Variants in BIRC6 observed in about 807,000 individuals in gnomAD.
BIRC6 encodes baculoviral IAP repeat containing 6.
A neutral mutation model predicts 503.3 loss-of-function variants in BIRC6; 98 were observed. The ratio of observed to expected loss-of-function variants is 0.19; its 90% confidence interval spans 0.17 to 0.23. The LOEUF (loss-of-function observed/expected upper bound fraction) is 0.23, where lower values mean the gene tolerates loss of function less well. BIRC6 is among the 10% of genes least tolerant of loss of function. The probability of loss-of-function intolerance (pLI) is 1.00; values close to 1 mark genes in which losing one functional copy is unlikely to be tolerated. For synonymous variants in BIRC6, 2,240 were observed against 2,078.7 expected, an observed-to-expected ratio of 1.08 and a Z score of -2.11; for missense variants, 5,360 against 5,806.0, an observed-to-expected ratio of 0.92 and a Z score of 2.50.
chr2:32,415,372 C>G lies in BIRC6; in HGVS notation c.2081C>G (p.Ala694Gly), dbSNP rs765176519. Residue 694 changes from alanine to glycine, a missense_variant, in exon 10 of 74, where the codon GCA (alanine) becomes GGA (glycine). Transcript: ENST00000421745. ...ACTTACATTCAGCAATTTGCAGATG[C>G]AGCAGCCAACCTTACCTCTCCGGAT... is the stretch of plus-strand genomic sequence containing the variant. ...PVTYIQQFAD[A>G]AANLTSPDSE... The G allele has an allele frequency of 6.2e-7, 1 of 1,614,038 alleles. No homozygotes were observed. Among genetic ancestry groups the G allele is most frequent in the South Asian group, 1.1e-5 (1 of 91,090 alleles).
intron 61 of BIRC6, among the ~76,000 whole-genome samples, chr2:32,538,875 T>A (rs1429758515): frequency 6.6e-6 from 1 of 152,224 alleles, no homozygotes; most frequent in Non-Finnish European, 1.5e-5. Flanking sequence ...GCCCCTGCAC[T>A]GCAGCCTGGG....
At chr2:32,514,114 C>T (rs1255727632) in intron 54 of BIRC6, among the ~76,000 whole-genome samples, 1 of 151,952 alleles carries the variant, frequency 6.6e-6, no homozygotes. Flanking sequence ...TGAAACGAGG[C>T]GTTTAATGCC....
intron 5 of BIRC6, among the ~76,000 whole-genome samples, chr2:32,394,518 G>A (rs2039630692): frequency 6.6e-6 from 1 of 151,984 alleles, no homozygotes; most frequent in Non-Finnish European, 1.5e-5. Context: ...TTGTTCAGTT[G>A]TATGTGATTG....
At chr2:32,384,322 T>G (rs1345961696) in intron 3 of BIRC6, among the ~76,000 whole-genome samples, 1 of 152,162 alleles carries the variant, frequency 6.6e-6, no homozygotes, top group African/African-American at 2.4e-5. Flanking sequence ...GCCATTGAGC[T>G]TTTCTGCCAG....
intron 26 of BIRC6, among the ~76,000 whole-genome samples, chr2:32,467,225 C>A (rs1003006971): frequency 6.6e-6 from 1 of 152,052 alleles, no homozygotes; most frequent in Non-Finnish European, 1.5e-5. Context: ...TGGAGCTCCT[C>A]GGCTCAAGCA....
chr2:32,453,917 A>G lies in BIRC6; in HGVS notation c.4728A>G (p.Gly1576=), dbSNP rs1245799288. The G allele has an allele frequency of 6.2e-7, 1 of 1,613,380 alleles. No homozygotes were observed. The highest frequency in any genetic ancestry group is 1.1e-5 in the South Asian group (1 of 91,062). ...TTACTTGTGTGTCAACTAGTGATGGAACCAGAATAGAAAGGGATGATGCAA... is the reference window on the plus strand; with the variant it reads ...TTACTTGTGTGTCAACTAGTGATGGGACCAGAATAGAAAGGGATGATGCAA... ...LHFTCVSTSD[G]TRIERDDAMS... The change falls in exon 23 of 74, where the codon GGA becomes GGG. Residue 1576 remains glycine, a synonymous_variant. Coordinates refer to ENST00000421745, the MANE Select transcript of BIRC6 (RefSeq NM_016252.4).
chr2:32,519,106 A>T, intron 57 of BIRC6, 160 bp downstream of exon 57: 1 of 709,064 alleles, frequency 1.4e-6, no homozygotes, highest in East Asian at 2.9e-5. Flanking sequence ...AAGCCAGTCA[A>T]GTGGACAAAA....
chr2:32,499,499 ATCTC>A (rs753708377), intron 45 of BIRC6, 44 bp from the exon 46 acceptor site: 111 of 1,234,164 alleles, frequency 9.0e-5, no homozygotes, highest in Non-Finnish European at 1.0e-4. Flanking sequence ...CTCTTGTTGT[ATCTC>A]TCTCTCTCTC....
chr2:32,357,597 G>T lies in BIRC6; in HGVS notation c.325+111G>T, dbSNP rs1050662070. 26 of 1,465,574 alleles carry T rather than the reference G, an allele frequency of 1.8e-5. 1 individual carries two copies. In the South Asian group the frequency reaches 3.3e-4, roughly 19 times the overall value. 90.8% of individuals were successfully genotyped at this position (1,465,574 alleles called of 1,614,324 possible). ...GAGATGGCGAGAGGGCAGGGCTGGGGGTTCGGGCCCAGCCGTGAAGGGAGG... is the reference window on the plus strand; with the variant it reads ...GAGATGGCGAGAGGGCAGGGCTGGGTGTTCGGGCCCAGCCGTGAAGGGAGG... On this transcript the variant is annotated intron_variant, in intron 1 of 73. Coordinates refer to ENST00000421745, the MANE Select transcript of BIRC6 (RefSeq NM_016252.4). This position sits in a 1 kb window ranked among gnomAD's most constrained non-coding sequence, Gnocchi z 4.9.
intron 61 of BIRC6, among the ~76,000 whole-genome samples, chr2:32,532,649 A>G (rs1053674864): frequency 1.3e-5 from 2 of 152,190 alleles, no homozygotes; most frequent in Non-Finnish European, 2.9e-5. Flanking sequence ...AATGCAACAC[A>G]CAATAATACT....
rs1051145153 is a variant in BIRC6 at position 32,509,652 on chromosome 2, A to G, written c.9981-86A>G. On this transcript the variant is annotated intron_variant, in intron 51 of 73. Coordinates refer to ENST00000421745, the MANE Select transcript of BIRC6 (RefSeq NM_016252.4). ...TGGTTAATGCTGTTTATGAAACACAACATGCTGATCTTTAAAAAGTTATGT... is the reference window on the plus strand; with the variant it reads ...TGGTTAATGCTGTTTATGAAACACAGCATGCTGATCTTTAAAAAGTTATGT... The G allele has an allele frequency of 2.0e-5, 30 of 1,470,810 alleles. No homozygotes were observed. In the African/African-American group the frequency reaches 3.5e-4, roughly 17 times the overall value. 91.1% of individuals were successfully genotyped at this position (1,470,810 alleles called of 1,614,324 possible).
chr2:32,401,945 C>G (rs893459287), intron 8 of BIRC6, among the ~76,000 whole-genome samples: 1 of 152,140 alleles, frequency 6.6e-6, no homozygotes, highest in African/African-American at 2.4e-5. Flanking sequence ...GTAGTTTCAC[C>G]TTCTGCTAAA....
chr2:32,477,386 C>G lies in BIRC6; in HGVS notation c.6871C>G (p.Arg2291Gly), dbSNP rs771264582. The G allele has an allele frequency of 6.2e-7, 1 of 1,613,696 alleles. No individual in the cohort carries two copies. Among genetic ancestry groups the G allele is most frequent in the Non-Finnish European group, 8.5e-7 (1 of 1,179,796 alleles). ...TGTGCAGCACTTTAAGGATTTAATTCGTTTACGTCGGACAGCAGAATGGTC... is the reference window on the plus strand; with the variant it reads ...TGTGCAGCACTTTAAGGATTTAATTGGTTTACGTCGGACAGCAGAATGGTC... The part of the protein sequence containing the change: ...ATSKHFKDLI[R>G]LRRTAEWSRS... The change falls in exon 35 of 74, where the codon CGT (arginine) becomes GGT (glycine). Residue 2291 changes from arginine to glycine, a missense_variant. This residue lies in a region of BIRC6 where 2,299 missense variants were observed against 2,267.2 expected (regional missense o/e 1.01). Coordinates refer to ENST00000421745, the MANE Select transcript of BIRC6 (RefSeq NM_016252.4).
At chr2:32,362,213 G>A (rs1281705602) in intron 1 of BIRC6, among the ~76,000 whole-genome samples, 1 of 151,962 alleles carries the variant, frequency 6.6e-6, no homozygotes. Context: ...TAGTAGTTGT[G>A]TAGTGGTATC....
rs1025968014 is a variant in BIRC6, at chr2:32,415,888, T to C, written c.2597T>C (p.Ile866Thr). Reference sequence around the variant, plus strand: ...TCGCTCATTTTGCTTCCACCCGATATATTGGATAATCGAGAGGATGACTGT... The same window carrying C: ...TCGCTCATTTTGCTTCCACCCGATACATTGGATAATCGAGAGGATGACTGT... ...ITSLILLPPD[I>T]LDNREDDCEE... is the part of the protein sequence containing the mutation. Residue 866 changes from isoleucine (I) to threonine (T), a missense_variant, in exon 10 of 74, where the codon ATA becomes ACA. This residue lies in a region of BIRC6 where 700 missense variants were observed against 739.3 expected (regional missense o/e 0.95). Coordinates refer to ENST00000421745, the MANE Select transcript of BIRC6 (RefSeq NM_016252.4). The C allele has an allele frequency of 9.9e-6, 16 of 1,613,968 alleles. No individual in the cohort carries two copies. Among genetic ancestry groups the C allele is most frequent in the African/African-American group, 1.3e-5 (1 of 75,044 alleles).
At chr2:32,459,562 T>G (rs975151509) in intron 23 of BIRC6, among the ~76,000 whole-genome samples, 4 of 152,180 alleles carry the variant, frequency 2.6e-5, no homozygotes, top group Non-Finnish European at 1.5e-5. Flanking sequence ...ATTTGTCAAT[T>G]TCTACACAAA....
Position 32,463,177 on chromosome 2 carries a change from C to G in BIRC6, c.4754-17C>G, listed in dbSNP as rs1264411534. The G allele has an allele frequency of 6.3e-7, 1 of 1,576,236 alleles. No homozygotes were observed. Among genetic ancestry groups the G allele is most frequent in the Non-Finnish European group, 8.6e-7 (1 of 1,164,296 alleles). ...TGGTGTTTTTTGTTTTTGTTTTTAC[C>G]CCTTGTCTTATGCCAGTGAGTTCCT... On this transcript the variant is annotated splice_polypyrimidine_tract_variant and intron_variant, in intron 23 of 73. Coordinates refer to ENST00000421745, the MANE Select transcript of BIRC6 (RefSeq NM_016252.4).
rs1439908155 is a variant in BIRC6 at position 32,415,461 on chromosome 2, A to G, written c.2170A>G (p.Lys724Glu). The change falls in exon 10 of 74, where the codon AAG becomes GAG. Residue 724 changes from lysine (K) to glutamate (E), a missense_variant. Transcript: ENST00000421745. ...TTTGGTTCAGTGCTTGAGGCTGCCA[A>G]AGTTTGCAGAGGAGGAGAATCTTTG... is the stretch of plus-strand genomic sequence containing the variant. ...GTLVQCLRLP[K>E]FAEEENLCID... The G allele has an allele frequency of 5.6e-6, 9 of 1,613,866 alleles. No individual in the cohort carries two copies. Among genetic ancestry groups the G allele is most frequent in the Non-Finnish European group, 5.1e-6 (6 of 1,179,894 alleles).
chr2:32,478,476 T>C (rs2050018085), intron 35 of BIRC6, among the ~76,000 whole-genome samples, 159 bp from the exon 36 acceptor site: 1 of 152,256 alleles, frequency 6.6e-6, no homozygotes, highest in Non-Finnish European at 1.5e-5. Flanking sequence ...AATTACATTC[T>C]TTTTTGCATT....
Sources: gnomAD v4.1 joint callset for allele counts (sites outside exome capture counted in the v4.1 genomes callset) on GRCh38, gnomAD v4.1.1 for gene constraint, gnomAD v4.1.1 regional missense constraint, Gnocchi (gnomAD v3.1) non-coding constraint, MANE v1.5 for transcripts, NCBI Gene and HGNC (gene_info 2026-07-23, HGNC 2026-07-21) for gene names.